The following ST6GALNAC1 variants were observed in gnomAD, a reference collection of about 807,000 sequenced individuals.
ST6GALNAC1 encodes the protein ST6 N-acetylgalactosaminide alpha-2,6-sialyltransferase 1.
In ST6GALNAC1, 45 loss-of-function variants were observed where a neutral mutation model predicts 56.8. That is an observed-to-expected ratio of 0.79 (90% CI 0.62 to 1.02). The LOEUF (loss-of-function observed/expected upper bound fraction) is 1.02. Ranked by LOEUF, ST6GALNAC1 falls within the 50% of genes least tolerant of loss-of-function variation. ST6GALNAC1 has a pLI of 0.00. For missense variants in ST6GALNAC1, 743 were observed against 754.8 expected, an observed-to-expected ratio of 0.98 and a Z score of 0.18; for synonymous variants, 295 against 297.8, an observed-to-expected ratio of 0.99 and a Z score of 0.10.
intron 2 of ST6GALNAC1, among the ~76,000 whole-genome samples, chr17:76,628,338 C>T (rs539303007): frequency 8.1e-5 from 12 of 147,594 alleles, no homozygotes; most frequent in East Asian, 6.4e-4. Flanking sequence ...GTTGCCCAGG[C>T]GGGAGTGCAG....
rs1157434727 is a variant in ST6GALNAC1 at position 76,625,515 on chromosome 17, C to CA, written c.1617dup (p.Gly540TrpfsTer5). The stretch of plus-strand genomic sequence containing the variant: ...CGCTCATGGCCCTCAGTGATGAAGC[C>CA]ATAAGCACTCACCTACATCACGGTT... On this transcript the variant is annotated frameshift_variant, in exon 9 of 9. Transcript: ENST00000156626. LOFTEE classifies it low-confidence loss of function (END_TRUNC). The CA allele has an allele frequency of 1.2e-6, 2 of 1,613,890 alleles. No individual in the cohort carries two copies. The highest frequency in any genetic ancestry group is 3.3e-5 in the Admixed American group (2 of 60,020).
chr17:76,640,111 C>T (rs2076030443), intron 1 of ST6GALNAC1, among the ~76,000 whole-genome samples: 1 of 152,194 alleles, frequency 6.6e-6, no homozygotes, highest in Non-Finnish European at 1.5e-5. Context: ...ACGTCTCCCA[C>T]TGCCCCCTGC....
intron 1 of ST6GALNAC1, among the ~76,000 whole-genome samples, chr17:76,639,373 C>G (rs1376923152): frequency 6.6e-6 from 1 of 151,940 alleles, no homozygotes; most frequent in Non-Finnish European, 1.5e-5. Flanking sequence ...GCCAGGAGTT[C>G]AAGACCAGCC....
intron 1 of ST6GALNAC1, among the ~76,000 whole-genome samples, chr17:76,632,417 C>T (rs1419846146): frequency 6.6e-6 from 1 of 152,090 alleles, no homozygotes; most frequent in Non-Finnish European, 1.5e-5. Flanking sequence ...CACACTGACC[C>T]TGAAGAGGTA....
In ST6GALNAC1 at chr17:76,643,653, T is replaced by G. The variant is rs1014958515; in HGVS notation, c.-15A>C. On this transcript the variant is annotated 5_prime_UTR_variant, in exon 1 of 9. Coordinates refer to ENST00000156626, the MANE Select transcript of ST6GALNAC1 (RefSeq NM_018414.5). ...CAGGACCTCATGGTGGTGGGTCGGG[T>G]TCTAGAGGAAGGTTCTGCATGTCCT... 1.2e-6 allele frequency: 2 copies of G among 1,612,990 alleles called. No homozygotes were observed. Among genetic ancestry groups the G allele is most frequent in the Admixed American group, 3.3e-5 (2 of 59,934 alleles).
Position 76,627,333 on chromosome 17 carries a change from G to C in ST6GALNAC1, c.1000+82C>G. 2 of 1,580,358 alleles carry C rather than the reference G, an allele frequency of 1.3e-6. No homozygotes were observed. Among genetic ancestry groups the C allele is most frequent in the Middle Eastern group, 3.6e-4 (2 of 5,550 alleles). Reference sequence around the variant, plus strand: ...CAGGTCTGGCAAACCCCAGGGAAGAGGCAGACCAGAAAGCCAGCTGCCCTC... The same window carrying C: ...CAGGTCTGGCAAACCCCAGGGAAGACGCAGACCAGAAAGCCAGCTGCCCTC... On this transcript the variant is annotated intron_variant, in intron 3 of 8. Transcript: ENST00000156626. The surrounding 1 kb of genome is among the most constrained non-coding windows in gnomAD (Gnocchi z 4.4).
chr17:76,643,618 T>C lies in ST6GALNAC1; in HGVS notation c.21A>G (p.Arg7=), dbSNP rs1271258348. 1.9e-6 allele frequency: 3 copies of C among 1,614,006 alleles called. No homozygotes were observed. The highest frequency in any genetic ancestry group is 2.2e-5 in the South Asian group (2 of 91,074). The part of the protein sequence containing the change: MRSCLW[R]CRHLSQGVQW... Reference sequence around the variant, plus strand: ...GGACGCCTTGGCTCAGGTGCCTGCATCTCCACAGGCAGGACCTCATGGTGG... The same window carrying C: ...GGACGCCTTGGCTCAGGTGCCTGCACCTCCACAGGCAGGACCTCATGGTGG... Residue 7 remains arginine (R), a synonymous_variant, in exon 1 of 9, where the codon AGA becomes AGG. Transcript: ENST00000156626.
At chr17:76,625,611 G>A (rs892509165) in intron 8 of ST6GALNAC1, 84 bp from the exon 9 acceptor site, 16 of 1,510,814 alleles carry the variant, frequency 1.1e-5, no homozygotes, top group African/African-American at 9.6e-5. Context: ...GTTGAGGGGT[G>A]GGGGTTCTTT....
the ST6GALNAC1 span, among the ~76,000 whole-genome samples, chr17:76,619,286 T>C: frequency 6.6e-6 from 1 of 152,208 alleles, no homozygotes; most frequent in Non-Finnish European, 1.5e-5. Flanking sequence ...CAAGATTACG[T>C]GTACTCACTG....
In ST6GALNAC1 at chr17:76,625,183, C is replaced by T. The variant is rs1010387807; in HGVS notation, c.*147G>A. The T allele has an allele frequency of 2.5e-6, 2 of 798,066 alleles. No individual in the cohort carries two copies. Among genetic ancestry groups the T allele is most frequent in the Admixed American group, 2.9e-5 (1 of 35,030 alleles). 49.4% of individuals were successfully genotyped at this position (798,066 alleles called of 1,614,324 possible). ...TAGCCATTTGCCATCTTGAGAGAGT[C>T]TTGTCCATGGTTCAAGTGTTCCCTT... is the stretch of plus-strand genomic sequence containing the variant. On this transcript the variant is annotated 3_prime_UTR_variant, in exon 9 of 9. Coordinates refer to ENST00000156626, the MANE Select transcript of ST6GALNAC1 (RefSeq NM_018414.5).
the ST6GALNAC1 span, among the ~76,000 whole-genome samples, chr17:76,617,728 G>T: frequency 6.6e-6 from 1 of 150,438 alleles, no homozygotes; most frequent in African/African-American, 2.5e-5. Flanking sequence ...CTGCGATCAC[G>T]CCACTGCACT....
rs371817750 is a variant in ST6GALNAC1 at position 76,625,284 on chromosome 17, C to T, written c.*46G>A. ...AGAGTCTCAAGATTCCCACTGTATC[C>T]TGTGCCTTGGAGCAGGCAAGGAGAC... On this transcript the variant is annotated 3_prime_UTR_variant, in exon 9 of 9. Transcript: ENST00000156626. 1.1e-5 allele frequency: 17 copies of T among 1,592,032 alleles called. No individual in the cohort carries two copies. Among genetic ancestry groups the T allele is most frequent in the Non-Finnish European group, 1.4e-5 (16 of 1,168,194 alleles).
chr17:76,618,119 T>C, the ST6GALNAC1 span, among the ~76,000 whole-genome samples: 2 of 152,210 alleles, frequency 1.3e-5, no homozygotes, highest in African/African-American at 2.4e-5. Flanking sequence ...TTAATGTTAA[T>C]GAACAGAGCC....
chr17:76,625,250 A>C lies in ST6GALNAC1; in HGVS notation c.*80T>G. The stretch of plus-strand genomic sequence containing the variant: ...TTGGAGCTTAGTCTGAGCCATGGGA[A>C]ATGGCCAAAGAGTCTCAAGATTCCC... On this transcript the variant is annotated 3_prime_UTR_variant, in exon 9 of 9. Transcript: ENST00000156626. 1.4e-6 allele frequency: 2 copies of C among 1,470,782 alleles called. No homozygotes were observed. Among genetic ancestry groups the C allele is most frequent in the Non-Finnish European group, 1.9e-6 (2 of 1,077,430 alleles). The allele number at this position is 1,470,782 out of a possible 1,614,324, so 91.1% of individuals were successfully genotyped here.
chr17:76,637,000 G>A (rs1484504887), intron 1 of ST6GALNAC1, among the ~76,000 whole-genome samples: 1 of 152,100 alleles, frequency 6.6e-6, no homozygotes, highest in African/African-American at 2.4e-5. Context: ...AACATGTGCT[G>A]TGTCCACTCA....
In ST6GALNAC1 at chr17:76,626,638, C is replaced by G; in HGVS notation, c.1311+13G>C. On this transcript the variant is annotated intron_variant, in intron 5 of 8. Transcript: ENST00000156626. ...GAGTCTGGGTGTGGCCAGGCTCCTT[C>G]CTCTTTGCTCACCTTCCCAAGAGGC... 9 of 1,614,072 alleles carry G rather than the reference C, an allele frequency of 5.6e-6. No homozygotes were observed. Among genetic ancestry groups the G allele is most frequent in the Non-Finnish European group, 7.6e-6 (9 of 1,179,994 alleles).
At chr17:76,622,450 G>A (rs1000278937), downstream of ST6GALNAC1, among the ~76,000 whole-genome samples, 2 of 151,022 alleles carry the variant, frequency 1.3e-5, no homozygotes, top group African/African-American at 4.9e-5. Context: ...CTGCAACCTC[G>A]GCTTCCCGGG....
At chr17:76,621,322 A>AC (rs746780329), downstream of ST6GALNAC1, among the ~76,000 whole-genome samples, 19 of 150,664 alleles carry the variant, frequency 1.3e-4, no homozygotes, top group Admixed American at 2.0e-4. Context: ...AGCTGGGACT[A>AC]CAGGTGCACG....
chr17:76,625,705 T>A, intron 8 of ST6GALNAC1, 114 bp downstream of exon 8: 4 of 1,165,358 alleles, frequency 3.4e-6, no homozygotes, highest in Non-Finnish European at 3.6e-6. Flanking sequence ...ATGCCCACCC[T>A]CTTTCCCAGC....
Sources: allele counts gnomAD v4.1 joint callset (sites outside exome capture counted in the v4.1 genomes callset), GRCh38; gene constraint gnomAD v4.1.1; non-coding constraint Gnocchi (gnomAD v3.1); transcripts MANE v1.5; gene names NCBI Gene and HGNC (gene_info 2026-07-23, HGNC 2026-07-21).